The following UNC13A variants were observed in gnomAD, a reference collection of about 807,000 sequenced individuals.
UNC13A encodes the protein protein unc-13 homolog A.
UNC13A carries 61 observed loss-of-function variants against 219.7 expected under a neutral mutation model. The ratio of observed to expected loss-of-function variants is 0.28; its 90% CI spans 0.23 to 0.34. The LOEUF is 0.34. UNC13A is among the 10% of genes least tolerant of loss of function. UNC13A has a pLI of 1.00. For synonymous variants in UNC13A, 920 were observed against 884.6 expected (o/e 1.04, Z -0.71); for missense variants, 1,476 against 2,270.3 (o/e 0.65, Z 7.11).
intron 11 of UNC13A, 87 bp from the exon 12 acceptor site, chr19:17,652,764 G>A: frequency 6.7e-7 from 1 of 1,488,358 alleles, no homozygotes; most frequent in South Asian, 1.1e-5. Flanking sequence ...ACTCCCCTCT[G>A]GGCTGGGAGT....
At chr19:17,662,553 T>C (rs529683363) in intron 8 of UNC13A, among the ~76,000 whole-genome samples, 18 of 152,098 alleles carry the variant, frequency 1.2e-4, no homozygotes, top group African/African-American at 4.3e-4. Flanking sequence ...CCCCAGTCCA[T>C]AAAAAAATTG....
At chr19:17,644,391 G>A (rs1008550679) in intron 19 of UNC13A, among the ~76,000 whole-genome samples, 6 of 150,970 alleles carry the variant, frequency 4.0e-5, no homozygotes, top group Admixed American at 2.6e-4. Context: ...GCCTTGTTAT[G>A]TTGCCCAGGC....
At chr19:17,643,871 T>C (rs764701780) in intron 19 of UNC13A, among the ~76,000 whole-genome samples, 46 of 152,072 alleles carry the variant, frequency 3.0e-4, no homozygotes, top group Non-Finnish European at 5.6e-4. Flanking sequence ...CCCCGGAGAC[T>C]ACACATCTTA....
At chr19:17,641,262 T>A (rs1483438122) in intron 21 of UNC13A, 131 bp downstream of exon 21, 1 of 1,164,670 alleles carries the variant, frequency 8.6e-7, no homozygotes, top group East Asian at 2.4e-5. Context: ...CCAGGGGAAT[T>A]ACGGAACCCA....
At chr19:17,631,507 A>G (rs1202387635) in intron 28 of UNC13A, among the ~76,000 whole-genome samples, 1 of 151,834 alleles carries the variant, frequency 6.6e-6, no homozygotes, top group Non-Finnish European at 1.5e-5. Context: ...GATTACAGGA[A>G]TGAGCCACCG....
At chr19:17,621,943 A>G in intron 36 of UNC13A, 73 bp from the exon 37 acceptor site, 1 of 1,493,084 alleles carries the variant, frequency 6.7e-7, no homozygotes. Context: ...GCTCACAGGA[A>G]TATTCATGGG....
rs539243365 is a variant in UNC13A at position 17,647,096 on chromosome 19, G to A, written c.2044+169C>T. The stretch of plus-strand genomic sequence containing the variant: ...ATACAGTGCCATGAACAGGCGTTTG[G>A]AGGCACGCATGTCCCCCCATATGCG... On this transcript the variant is annotated intron_variant, in intron 17 of 43. Transcript: ENST00000519716. Among the ~76,000 whole-genome samples the A allele has an allele frequency of 1.7e-4, 26 of 152,326 alleles. No homozygotes were observed. The South Asian group carries it at 4.1e-3, about 24-fold the overall frequency.
chr19:17,658,987 A>G (rs916541387), intron 8 of UNC13A, among the ~76,000 whole-genome samples: 1 of 152,182 alleles, frequency 6.6e-6, no homozygotes, highest in African/African-American at 2.4e-5. Flanking sequence ...CCTAAAAAAA[A>G]AAATTCCAAT....
rs1006733481 is a variant in UNC13A at position 17,602,044 on chromosome 19, G to C, written c.*4010C>G. 6.6e-6 allele frequency: 1 copy of C among 152,592 alleles called. No individual in the cohort carries two copies. The highest frequency in any genetic ancestry group is 1.5e-5 in the Non-Finnish European group (1 of 68,078). The allele number at this position is 152,592 out of a possible 1,614,324, so 9.5% of individuals were successfully genotyped here. Reference sequence around the variant, plus strand: ...ACAGAAAGGCTCTGAGATCCCAGCCGAGAGAGGTCCCAAGGATTTCTAGTT... The same window carrying C: ...ACAGAAAGGCTCTGAGATCCCAGCCCAGAGAGGTCCCAAGGATTTCTAGTT... On this transcript the variant is annotated 3_prime_UTR_variant, in exon 44 of 44. Transcript: ENST00000519716.
Position 17,616,369 on chromosome 19 carries a change from A to ACCAGG in UNC13A, c.4558+1328_4558+1332dup, listed in dbSNP as rs1430380917. The ACCAGG allele has an allele frequency of 5.8e-6, 4 of 685,492 alleles. No homozygotes were observed. The South Asian group carries it at 6.1e-5, about 10-fold the overall frequency. 42.5% of individuals were successfully genotyped at this position (685,492 alleles called of 1,614,324 possible). A position where few individuals can be genotyped will look rare whatever the true frequency, so the allele number is the denominator to read the frequency against. ...GCCAGGAGGGGCGCAGGCACCGGGC[A>ACCAGG]CCAGGCGCGGGCGGCGGGCGGGAGG... On this transcript the variant is annotated intron_variant, in intron 41 of 43. Transcript: ENST00000519716.
chr19:17,611,920 T>C (rs2076608294), intron 41 of UNC13A, 65 bp from the exon 42 acceptor site: 2 of 1,427,132 alleles, frequency 1.4e-6, no homozygotes, highest in Admixed American at 1.7e-5. Flanking sequence ...AGGAGGGACC[T>C]TGACGGCCTC....
Position 17,627,013 on chromosome 19 carries a change from G to A in UNC13A, c.3921-228C>T. ...TCGAGACCACCCTGGCCAACATGGT[G>A]AAACCCTGTCTCTACTAAAAATACA... On this transcript the variant is annotated intron_variant, in intron 33 of 43. Coordinates refer to ENST00000519716, the MANE Select transcript of UNC13A (RefSeq NM_001080421.3). This position sits in a 1 kb window ranked among gnomAD's most constrained non-coding sequence, Gnocchi z 4.7. 6.6e-6 allele frequency among the ~76,000 whole-genome samples: 1 copy of A among 152,174 alleles called. No homozygotes were observed. The highest frequency in any genetic ancestry group is 2.1e-4 in the South Asian group (1 of 4,834).
At position 17,686,315 on chromosome 19, in the gene UNC13A, C is replaced by T. The variant is rs1435350754; in HGVS notation, c.22+1863G>A. Among the ~76,000 whole-genome samples, 80 of 88,310 alleles carry T rather than the reference C, an allele frequency of 9.1e-4. 3 individuals are homozygous for T. Among genetic ancestry groups the T allele is most frequent in the African/African-American group, 3.0e-3 (71 of 23,560 alleles). 57.9% of individuals were successfully genotyped at this position (88,310 alleles called of 152,430 possible). A position where few individuals can be genotyped will look rare whatever the true frequency, so the allele number is the denominator to read the frequency against. On this transcript the variant is annotated intron_variant, in intron 1 of 43. Coordinates refer to ENST00000519716, the MANE Select transcript of UNC13A (RefSeq NM_001080421.3). The stretch of plus-strand genomic sequence containing the variant: ...AGATCCCCGCCCCCCCCCCCCCCCC[C>T]CCACTCCACTAGGCAAACCTTCCAG...
At chr19:17,683,098 C>T (rs2080048884) in intron 1 of UNC13A, among the ~76,000 whole-genome samples, 1 of 152,048 alleles carries the variant, frequency 6.6e-6, no homozygotes, top group South Asian at 2.1e-4. Flanking sequence ...AGAAGGCAAT[C>T]CCAGGGCAGA....
chr19:17,680,879 C>CTTTT (rs2079996579), intron 1 of UNC13A, among the ~76,000 whole-genome samples: 2 of 80,190 alleles, frequency 2.5e-5, no homozygotes, highest in Non-Finnish European at 5.2e-5. Flanking sequence ...CTTTTTTTTT[C>CTTTT]TTTTCTTTTC....
chr19:17,685,180 T>C (rs1423187743), intron 1 of UNC13A, among the ~76,000 whole-genome samples: 1 of 151,136 alleles, frequency 6.6e-6, no homozygotes, highest in African/African-American at 2.4e-5. Context: ...CATGTCTGAG[T>C]GTTAGGACAT....
intron 1 of UNC13A, among the ~76,000 whole-genome samples, chr19:17,683,510 T>C (rs998613197): frequency 6.6e-6 from 1 of 151,768 alleles, no homozygotes; most frequent in Non-Finnish European, 1.5e-5. Context: ...ATACAAAAAC[T>C]AGCTAGGTGT....
rs1221276121 is a variant in UNC13A at position 17,674,899 on chromosome 19, A to G, written c.53-143T>C. 2 of 644,178 alleles carry G rather than the reference A, an allele frequency of 3.1e-6. No individual in the cohort carries two copies. Among genetic ancestry groups the G allele is most frequent in the African/African-American group, 1.8e-5 (1 of 55,072 alleles). The allele number at this position is 644,178 out of a possible 1,614,324, so 39.9% of individuals were successfully genotyped here. A position where few individuals can be genotyped will look rare whatever the true frequency, so the allele number is the denominator to read the frequency against. ...ACCCACAACCCCACCCTCAGGGCACAAGGGAGGGGCCTCAGTGTGGGGAGA... is the reference window on the plus strand; with the variant it reads ...ACCCACAACCCCACCCTCAGGGCACGAGGGAGGGGCCTCAGTGTGGGGAGA... On this transcript the variant is annotated intron_variant, in intron 2 of 43. Coordinates refer to ENST00000519716, the MANE Select transcript of UNC13A (RefSeq NM_001080421.3). This position sits in a 1 kb window ranked among gnomAD's most constrained non-coding sequence, Gnocchi z 5.0.
At chr19:17,680,606 C>T (rs775634342) in intron 1 of UNC13A, among the ~76,000 whole-genome samples, 25 of 152,108 alleles carry the variant, frequency 1.6e-4, no homozygotes, top group Non-Finnish European at 3.2e-4. Context: ...CCTGGCTTCG[C>T]GCCTCCGTTT....
Sources: allele counts gnomAD v4.1 joint callset (sites outside exome capture counted in the v4.1 genomes callset), GRCh38; gene constraint gnomAD v4.1.1; non-coding constraint Gnocchi (gnomAD v3.1); transcripts MANE v1.5; gene names NCBI Gene and HGNC (gene_info 2026-07-23, HGNC 2026-07-21).